The following PIGV variants were observed in gnomAD, a reference collection of about 807,000 sequenced individuals.
PIGV encodes the protein phosphatidylinositol glycan anchor biosynthesis class V, also known as GPI alpha-1,6-mannosyltransferase 2.
Under a neutral mutation model 39.2 loss-of-function variants are expected in PIGV, and 27 were observed. The observed-to-expected ratio is 0.69, with a 90% CI of 0.51 to 0.95. PIGV has a LOEUF of 0.95. Ranked by LOEUF, PIGV falls within the 40% of genes least tolerant of loss-of-function variation. The pLI, the probability that PIGV is intolerant of heterozygous loss-of-function variation, is 0.00. For missense variants in PIGV, 523 were observed against 586.4 expected, an observed-to-expected ratio of 0.89 and a Z score of 1.12; for synonymous variants, 232 against 241.7, an observed-to-expected ratio of 0.96 and a Z score of 0.37.
intron 2 of PIGV, among the ~76,000 whole-genome samples, chr1:26,791,842 T>G (rs541979689): frequency 2.0e-5 from 3 of 152,238 alleles, no homozygotes; most frequent in Non-Finnish European, 4.4e-5. Context: ...TTAAAAAGCC[T>G]TAAAAATGGT....
chr1:26,794,628 T>G lies in PIGV; in HGVS notation c.594T>G (p.Phe198Leu). 2 of 1,614,232 alleles carry G rather than the reference T, an allele frequency of 1.2e-6. No individual in the cohort carries two copies. The highest frequency in any genetic ancestry group is 1.7e-6 in the Non-Finnish European group (2 of 1,180,040). ...RVWTSVLLFA[F>L]ATGVRSNGLV... ...GGACTAGTGTACTCCTCTTTGCCTT[T>G]GCCACTGGGGTACGCTCCAACGGGC... The change falls in exon 3 of 4, where the codon TTT (phenylalanine) becomes TTG (leucine). Residue 198 changes from phenylalanine (F) to leucine (L), a missense_variant. Coordinates refer to ENST00000674202, the MANE Select transcript of PIGV (RefSeq NM_017837.4).
chr1:26,796,805 G>A (rs2081390130), intron 3 of PIGV, among the ~76,000 whole-genome samples: 1 of 152,184 alleles, frequency 6.6e-6, no homozygotes, highest in Non-Finnish European at 1.5e-5. Flanking sequence ...ATTTCCAGAG[G>A]AGATAACCTT....
At chr1:26,795,373 T>C in intron 3 of PIGV, 139 bp downstream of exon 3, 1 of 1,113,682 alleles carries the variant, frequency 9.0e-7, no homozygotes, top group Non-Finnish European at 1.3e-6. Context: ...AGGGTTATTC[T>C]TTATGCCAGA....
chr1:26,787,705 A>T (rs1204605660), upstream of PIGV: 2 of 152,370 alleles, frequency 1.3e-5, no homozygotes, highest in Non-Finnish European at 2.9e-5. Context: ...GGGCAAGAGC[A>T]CTGACTCTGA....
intron 2 of PIGV, among the ~76,000 whole-genome samples, chr1:26,793,722 C>T (rs769415317): frequency 2.6e-5 from 4 of 152,152 alleles, no homozygotes; most frequent in Non-Finnish European, 5.9e-5. Context: ...CCATCTCAGC[C>T]CCCCCAAGTA....
Position 26,798,385 on chromosome 1 carries a change from C to T in PIGV, c.*541C>T. 6.4e-6 allele frequency: 1 copy of T among 157,236 alleles called. No homozygotes were observed. The highest frequency in any genetic ancestry group is 2.4e-5 in the African/African-American group (1 of 41,536). 9.7% of individuals were successfully genotyped at this position (157,236 alleles called of 1,614,324 possible). ...TTACAAAGATATGCAAATTAAACTT[C>T]TTTCAGTTATACATGCAATGAATTG... On this transcript the variant is annotated 3_prime_UTR_variant, in exon 4 of 4. Transcript: ENST00000674202.
In PIGV at chr1:26,797,631, T is replaced by C. The variant is rs764632366; in HGVS notation, c.1269T>C (p.Asp423=). 15 of 1,614,014 alleles carry C rather than the reference T, an allele frequency of 9.3e-6. No homozygotes were observed. The highest frequency in any genetic ancestry group is 1.3e-5 in the Non-Finnish European group (15 of 1,180,020). Reference sequence around the variant, plus strand: ...GGTTTCCAGCTCACTTGCTTCAGGATCAAGAGCCGCTGTTGAGATCCTTAA... The same window carrying C: ...GGTTTCCAGCTCACTTGCTTCAGGACCAAGAGCCGCTGTTGAGATCCTTAA... ...MYWFPAHLLQ[D]QEPLLRSLKT... The change falls in exon 4 of 4, where the codon GAT becomes GAC. Residue 423 remains aspartate, a synonymous_variant. Transcript: ENST00000674202.
chr1:26,794,492 T>C lies in PIGV; in HGVS notation c.458T>C (p.Leu153Pro). The C allele has an allele frequency of 3.1e-6, 5 of 1,614,256 alleles. No individual in the cohort carries two copies. The highest frequency in any genetic ancestry group is 1.3e-5 in the African/African-American group (1 of 75,074). Reference protein sequence around the residue: ...HCPHQSFYAALLFCLSPANVF... With the variant: ...HCPHQSFYAAPLFCLSPANVF... ...CCCCACCAGTCCTTTTATGCAGCTC[T>C]GCTTTTCTGTCTCAGCCCTGCCAAT... Residue 153 changes from leucine (L) to proline (P), a missense_variant, in exon 3 of 4, where the codon CTG (leucine) becomes CCG (proline). By Grantham distance (98) the Leu-to-Pro change is moderately conservative. Coordinates refer to ENST00000674202, the MANE Select transcript of PIGV (RefSeq NM_017837.4).
In PIGV at chr1:26,797,643, G is replaced by A; in HGVS notation, c.1281G>A (p.Leu427=). ...PAHLLQDQEP[L]LRSLKTVPWK... is the part of the protein sequence containing the mutation. ...ACTTGCTTCAGGATCAAGAGCCGCT[G>A]TTGAGATCCTTAAAGACTGTGCCTT... Residue 427 remains leucine (L), a synonymous_variant, in exon 4 of 4, where the codon CTG becomes CTA. Coordinates refer to ENST00000674202, the MANE Select transcript of PIGV (RefSeq NM_017837.4). 6.2e-7 allele frequency: 1 copy of A among 1,614,060 alleles called. No homozygotes were observed. The highest frequency in any genetic ancestry group is 2.2e-5 in the East Asian group (1 of 44,882).
rs1315916999 is a variant in PIGV, at chr1:26,798,130, G to A, written c.*286G>A. The A allele has an allele frequency of 8.8e-6, 4 of 452,782 alleles. No individual in the cohort carries two copies. The highest frequency in any genetic ancestry group is 8.4e-5 in the South Asian group (4 of 47,682). The allele number at this position is 452,782 out of a possible 1,614,324, so 28.0% of individuals were successfully genotyped here. On this transcript the variant is annotated 3_prime_UTR_variant, in exon 4 of 4. Coordinates refer to ENST00000674202, the MANE Select transcript of PIGV (RefSeq NM_017837.4). ...ATCTGTCTAGTCAATCAACATAGCA[G>A]AGACAGTCTTAAACCTACCATTGAC...
Position 26,794,898 on chromosome 1 carries a change from A to G in PIGV, c.864A>G (p.Ala288=). The G allele has an allele frequency of 6.2e-7, 1 of 1,614,210 alleles. No individual in the cohort carries two copies. Among genetic ancestry groups the G allele is most frequent in the South Asian group, 1.1e-5 (1 of 91,088 alleles). Residue 288 remains alanine, a synonymous_variant, in exon 3 of 4, where the codon GCA becomes GCG. Transcript: ENST00000674202. The part of the protein sequence containing the change: ...QLAVDKGYRI[A]EGNEPPWCFW... ...CTGTAGACAAGGGCTACCGGATTGCAGAGGGAAATGAACCGCCTTGGTGCT... is the reference window on the plus strand; with the variant it reads ...CTGTAGACAAGGGCTACCGGATTGCGGAGGGAAATGAACCGCCTTGGTGCT...
chr1:26,792,848 G>T (rs2081330525), intron 2 of PIGV, among the ~76,000 whole-genome samples: 1 of 152,222 alleles, frequency 6.6e-6, no homozygotes, highest in South Asian at 2.1e-4. Context: ...GATGATGTGT[G>T]CAGTGTCCTG....
At chr1:26,795,976 A>G (rs2081378533) in intron 3 of PIGV, among the ~76,000 whole-genome samples, 2 of 150,638 alleles carry the variant, frequency 1.3e-5, no homozygotes, top group Non-Finnish European at 3.0e-5. Flanking sequence ...CTTCTGCCTC[A>G]ATCTCCCGAG....
At position 26,799,029 on chromosome 1, in the gene PIGV, A is replaced by G. The variant is rs2081422169; in HGVS notation, c.*1185A>G. Among the ~76,000 whole-genome samples, 1 of 152,234 alleles carries G rather than the reference A, an allele frequency of 6.6e-6. No homozygotes were observed. The highest frequency in any genetic ancestry group is 2.4e-5 in the African/African-American group (1 of 41,468). Reference sequence around the variant, plus strand: ...CTGCCTTAAACAACAGAATCACCCCAGTCTAAATGCTAATGTAGAGGCTTA... The same window carrying G: ...CTGCCTTAAACAACAGAATCACCCCGGTCTAAATGCTAATGTAGAGGCTTA... On this transcript the variant is annotated 3_prime_UTR_variant, in exon 4 of 4. Coordinates refer to ENST00000674202, the MANE Select transcript of PIGV (RefSeq NM_017837.4).
In PIGV at chr1:26,799,340, C is replaced by T. The variant is rs1292097343; in HGVS notation, c.*1496C>T. Among the ~76,000 whole-genome samples, 2 of 152,174 alleles carry T rather than the reference C, an allele frequency of 1.3e-5. No homozygotes were observed. The highest frequency in any genetic ancestry group is 2.9e-5 in the Non-Finnish European group (2 of 68,028). ...GGTATCTGCCCTGCTTCCTGGCCCC[C>T]GTTTGGTCATGAGCCTATCACTATA... is the stretch of plus-strand genomic sequence containing the variant. On this transcript the variant is annotated 3_prime_UTR_variant, in exon 4 of 4. Coordinates refer to ENST00000674202, the MANE Select transcript of PIGV (RefSeq NM_017837.4).
In PIGV at chr1:26,788,060, G is replaced by C. The variant is rs1174603473; in HGVS notation, c.-266G>C. The C allele has an allele frequency of 6.6e-6, 1 of 152,396 alleles. No homozygotes were observed. The highest frequency in any genetic ancestry group is 1.5e-5 in the Non-Finnish European group (1 of 68,164). The allele number at this position is 152,396 out of a possible 1,614,324, so 9.4% of individuals were successfully genotyped here. A position where few individuals can be genotyped will look rare whatever the true frequency, so the allele number is the denominator to read the frequency against. ...CCCGCGCCAGCTTGGGAGCCCTGGA[G>C]TTCTGGCGGGAGGGAAGCTGTCAAA... On this transcript the variant is annotated 5_prime_UTR_variant, in exon 1 of 4. Transcript: ENST00000674202.
chr1:26,788,312 G>C (rs918277395), intron 1 of PIGV, 44 bp downstream of exon 1: 3 of 152,382 alleles, frequency 2.0e-5, no homozygotes, highest in African/African-American at 7.2e-5. Context: ...GTGTCCAAAA[G>C]GAGCCGGCCA....
chr1:26,791,755 G>GT (rs1298293242), intron 2 of PIGV, among the ~76,000 whole-genome samples: 4 of 152,174 alleles, frequency 2.6e-5, no homozygotes, highest in African/African-American at 7.2e-5. Flanking sequence ...GGCTAGGGCT[G>GT]TTTATCTGTG....
upstream of PIGV, among the ~76,000 whole-genome samples, chr1:26,787,110 A>G (rs919542123): frequency 1.3e-5 from 2 of 152,220 alleles, no homozygotes; most frequent in East Asian, 1.9e-4. Context: ...CTGAAACCAC[A>G]TAAGGCTTTG....
Sources: gnomAD v4.1 joint callset for allele counts (sites outside exome capture counted in the v4.1 genomes callset) on GRCh38, gnomAD v4.1.1 for gene constraint, MANE v1.5 for transcripts, NCBI Gene and HGNC (gene_info 2026-07-23, HGNC 2026-07-21) for gene names.